The following DIP2C variants were observed in gnomAD, a reference collection of about 807,000 sequenced individuals.
DIP2C encodes the protein DIP2 acetate--CoA ligase C (putative).
A neutral mutation model predicts 192.4 loss-of-function variants in DIP2C; 33 were observed. That is an observed-to-expected ratio of 0.17 (90% confidence interval 0.13 to 0.23). The LOEUF (loss-of-function observed/expected upper bound fraction) is 0.23, where lower values mean the gene tolerates loss of function less well. Ranked by LOEUF, DIP2C falls within the 10% of genes least tolerant of loss-of-function variation. DIP2C has a pLI of 1.00. For synonymous variants in DIP2C, 979 were observed against 864.1 expected, an observed-to-expected ratio of 1.13 and a Z score of -2.33; for missense variants, 1,537 against 2,110.1, an observed-to-expected ratio of 0.73 and a Z score of 5.32.
chr10:642,387 C>T (rs982733885), intron 1 of DIP2C, among the ~76,000 whole-genome samples: 2 of 152,238 alleles, frequency 1.3e-5, no homozygotes, highest in Non-Finnish European at 2.9e-5. Context: ...AGGGCCACAT[C>T]GCCCTAAACA....
At chr10:302,999 G>C (rs927693089) in intron 32 of DIP2C, among the ~76,000 whole-genome samples, 4 of 152,090 alleles carry the variant, frequency 2.6e-5, no homozygotes, top group African/African-American at 9.7e-5. Context: ...GACATCGCAT[G>C]TGTCTGTAGG....
At chr10:551,281 C>T (rs1026370045) in intron 1 of DIP2C, among the ~76,000 whole-genome samples, 43 of 152,284 alleles carry the variant, frequency 2.8e-4, no homozygotes, top group African/African-American at 9.4e-4. Context: ...CTGGCTGCCG[C>T]CCACCCCGCC....
chr10:510,464 G>A (rs1479582354), intron 1 of DIP2C, among the ~76,000 whole-genome samples: 1 of 152,228 alleles, frequency 6.6e-6, no homozygotes, highest in Non-Finnish European at 1.5e-5. Context: ...ATGTGGACCA[G>A]CAACGCTCTT....
chr10:287,584 G>A (rs1564508531), intron 33 of DIP2C, among the ~76,000 whole-genome samples: 2 of 150,226 alleles, frequency 1.3e-5, no homozygotes, highest in Non-Finnish European at 2.9e-5. Flanking sequence ...TTGCAGCCAT[G>A]CAGGCAACTT....
At chr10:392,816 G>A (rs904921033) in intron 10 of DIP2C, among the ~76,000 whole-genome samples, 9 of 148,344 alleles carry the variant, frequency 6.1e-5, no homozygotes, top group South Asian at 2.1e-4. Context: ...CACACTCAGC[G>A]CACACACACA....
intron 1 of DIP2C, among the ~76,000 whole-genome samples, chr10:655,211 C>A (rs1856205119): frequency 6.6e-6 from 1 of 152,208 alleles, no homozygotes; most frequent in Non-Finnish European, 1.5e-5. Flanking sequence ...AAGGGGGCAA[C>A]CAGCAACCTG....
chr10:408,769 C>T (rs910423020), intron 9 of DIP2C, among the ~76,000 whole-genome samples, 157 bp downstream of exon 9: 1 of 152,212 alleles, frequency 6.6e-6, no homozygotes, highest in African/African-American at 2.4e-5. Context: ...TTAATAGTAT[C>T]TGTCCTGTGT....
Position 666,738 on chromosome 10 carries a change from G to A in DIP2C, c.85+22756C>T, listed in dbSNP as rs1053652427. The A allele has an allele frequency of 2.6e-5, 4 of 152,574 alleles. No individual in the cohort carries two copies. Among genetic ancestry groups the A allele is most frequent in the African/African-American group, 9.6e-5 (4 of 41,452 alleles). The allele number at this position is 152,574 out of a possible 1,614,324, so 9.5% of individuals were successfully genotyped here. A position where few individuals can be genotyped will look rare whatever the true frequency, so the allele number is the denominator to read the frequency against. ...GCAGCTGGGGTCTGGACGTGGGCCTGGGGGCTGGTGGAAGGCACGTGTGTT... is the reference window on the plus strand; with the variant it reads ...GCAGCTGGGGTCTGGACGTGGGCCTAGGGGCTGGTGGAAGGCACGTGTGTT... On this transcript the variant is annotated intron_variant, in intron 1 of 36. Coordinates refer to ENST00000280886, the MANE Select transcript of DIP2C (RefSeq NM_014974.3). The surrounding 1 kb of genome is among the most constrained non-coding windows in gnomAD (Gnocchi z 4.1).
At chr10:368,730 C>T (rs973299861) in intron 18 of DIP2C, among the ~76,000 whole-genome samples, 1 of 152,210 alleles carries the variant, frequency 6.6e-6, no homozygotes, top group South Asian at 2.1e-4. Context: ...CAGCACTGCT[C>T]GCACAGGCAT....
chr10:603,108 TTCTGGCATGTCATTTGTGTTAATAAAG>T (rs1184977259), intron 1 of DIP2C, among the ~76,000 whole-genome samples: 1 of 152,030 alleles, frequency 6.6e-6, no homozygotes, highest in African/African-American at 2.4e-5. Flanking sequence ...CATATGTAAG[TTCTGGCATGTCATTTGTGTTAATAAAG>T]TCTGCAGAGT....
At chr10:576,612 T>G (rs1019793806) in intron 1 of DIP2C, among the ~76,000 whole-genome samples, 8 of 152,184 alleles carry the variant, frequency 5.3e-5, no homozygotes, top group Non-Finnish European at 5.9e-5. Flanking sequence ...TAACCAATAT[T>G]AAAACAGAAG....
chr10:517,804 TAAC>T (rs1247145121), intron 1 of DIP2C, among the ~76,000 whole-genome samples: 2 of 151,196 alleles, frequency 1.3e-5, no homozygotes, highest in Admixed American at 1.3e-4. Flanking sequence ...GTCTCTTTAT[TAAC>T]AACCAGTAGC....
intron 31 of DIP2C, among the ~76,000 whole-genome samples, chr10:315,786 C>T (rs1956750042): frequency 6.6e-6 from 1 of 152,156 alleles, no homozygotes. Context: ...ACCGCTCCTT[C>T]TGGGGCTCCG....
chr10:476,942 A>G (rs1843078134), intron 2 of DIP2C, among the ~76,000 whole-genome samples: 1 of 148,466 alleles, frequency 6.7e-6, no homozygotes, highest in Non-Finnish European at 1.5e-5. Context: ...CTCTCGGTGG[A>G]GCTGGCCACA....
intron 13 of DIP2C, among the ~76,000 whole-genome samples, chr10:389,043 G>A (rs1254838009): frequency 6.6e-6 from 1 of 150,788 alleles, no homozygotes; most frequent in African/African-American, 2.4e-5. Flanking sequence ...GGGTCTCAAG[G>A]GGCCTCGGGC....
Position 651,061 on chromosome 10 carries a change from CCCCT to C in DIP2C, c.85+38429_85+38432del, listed in dbSNP as rs1394537910. On this transcript the variant is annotated intron_variant, in intron 1 of 36. Transcript: ENST00000280886. The surrounding 1 kb of genome is among the most constrained non-coding windows in gnomAD (Gnocchi z 4.1). ...CCCCTTTCCATCCTAGCCCCTGCCACCCCTCCTGCTCTTGTCTCTCCCACACCTC... is the reference window on the plus strand; with the variant it reads ...CCCCTTTCCATCCTAGCCCCTGCCACCCTGCTCTTGTCTCTCCCACACCTC... 4 of 717,390 alleles carry C rather than the reference CCCCT, an allele frequency of 5.6e-6. No homozygotes were observed. The highest frequency in any genetic ancestry group is 4.0e-5 in the Admixed American group (2 of 50,004). The allele number at this position is 717,390 out of a possible 1,614,324, so 44.4% of individuals were successfully genotyped here. A position where few individuals can be genotyped will look rare whatever the true frequency, so the allele number is the denominator to read the frequency against.
chr10:523,463 AT>A lies in DIP2C; in HGVS notation c.86-36934del, dbSNP rs1431852005. ...TCACCCACACACTCGTTTCTACTGG[AT>A]GCAAAGGACCCTGGAGTGAGGATGC... On this transcript the variant is annotated intron_variant, in intron 1 of 36. Coordinates refer to ENST00000280886, the MANE Select transcript of DIP2C (RefSeq NM_014974.3). 5.8e-4 allele frequency among the ~76,000 whole-genome samples: 72 copies of A among 124,526 alleles called. 2 individuals carry two copies. The highest frequency in any genetic ancestry group is 1.1e-3 in the East Asian group (4 of 3,754). 81.7% of individuals were successfully genotyped at this position (124,526 alleles called of 152,430 possible).
chr10:605,109 C>G (rs2131723859), intron 1 of DIP2C, among the ~76,000 whole-genome samples: 1 of 152,344 alleles, frequency 6.6e-6, no homozygotes, highest in East Asian at 1.9e-4. Flanking sequence ...CCAGGGTCGG[C>G]TCCCAGCTGC....
At position 352,249 on chromosome 10, in the gene DIP2C, C is replaced by A. The variant is rs921062914; in HGVS notation, c.2986-2795G>T. 1.0e-3 allele frequency among the ~76,000 whole-genome samples: 154 copies of A among 152,380 alleles called. 1 individual carries two copies. The highest frequency in any genetic ancestry group is 3.6e-3 in the African/African-American group (150 of 41,594). On this transcript the variant is annotated intron_variant, in intron 24 of 36. Transcript: ENST00000280886. ...TTTGAGAGGCTCAGATGAGACACAG[C>A]CAGCAGCCAAGAGTGTCTTTGAAAA...
Sources: gnomAD v4.1 joint callset for allele counts (sites outside exome capture counted in the v4.1 genomes callset) on GRCh38, gnomAD v4.1.1 for gene constraint, Gnocchi (gnomAD v3.1) non-coding constraint, MANE v1.5 for transcripts, NCBI Gene and HGNC (gene_info 2026-07-23, HGNC 2026-07-21) for gene names.